PRKN: variants seen among roughly 807,000 people sequenced by gnomAD.
The protein encoded by PRKN is E3 ubiquitin-protein ligase parkin.
Under a neutral mutation model 59.5 loss-of-function variants are expected in PRKN, and 56 were observed. The observed-to-expected ratio is 0.94, with a 90% CI of 0.76 to 1.18. PRKN has a LOEUF of 1.18. Among genes scored for constraint, PRKN ranks in the 50% most tolerant of loss-of-function variants. The probability of loss-of-function intolerance (pLI) is 0.00; values close to 1 mark genes in which losing one functional copy is unlikely to be tolerated. For synonymous variants in PRKN, 250 were observed against 222.1 expected (o/e 1.13, Z -1.12); for missense variants, 657 against 596.4 (o/e 1.10, Z -1.06).
intron 6 of PRKN, among the ~76,000 whole-genome samples, chr6:161,893,887 G>A (rs1386116526): frequency 6.6e-6 from 1 of 152,096 alleles, no homozygotes; most frequent in African/African-American, 2.4e-5. Flanking sequence ...TCTCCTCGAC[G>A]GATCTGGGTA....
At chr6:161,949,691 A>G (rs1779914695) in intron 6 of PRKN, among the ~76,000 whole-genome samples, 1 of 152,056 alleles carries the variant, frequency 6.6e-6, no homozygotes, top group Non-Finnish European at 1.5e-5. Flanking sequence ...AAGACAGAGC[A>G]CTCTCTGTGA....
At chr6:162,249,072 GT>G (rs1779319679) in intron 3 of PRKN, among the ~76,000 whole-genome samples, 1 of 151,972 alleles carries the variant, frequency 6.6e-6, no homozygotes, top group African/African-American at 2.4e-5. Flanking sequence ...TAGAGACGAG[GT>G]TTCACCATGT....
Position 162,701,887 on chromosome 6 carries a change from C to CACA in PRKN, c.7+25774_7+25775insTGT, listed in dbSNP as rs1584078183. Among the ~76,000 whole-genome samples the CACA allele has an allele frequency of 1.0e-4, 10 of 99,134 alleles. 1 individual carries two copies. The highest frequency in any genetic ancestry group is 2.3e-4 in the African/African-American group (6 of 25,980). 65.0% of individuals were successfully genotyped at this position (99,134 alleles called of 152,430 possible). A position where few individuals can be genotyped will look rare whatever the true frequency, so the allele number is the denominator to read the frequency against. ...CATACACACACACACACACACACAC[C>CACA]CCCCCGACAAAATGAAACCAACAGA... On this transcript the variant is annotated intron_variant, in intron 1 of 11. Coordinates refer to ENST00000366898, the MANE Select transcript of PRKN (RefSeq NM_004562.3).
In PRKN at chr6:162,348,348, C is replaced by T. The variant is rs143370178; in HGVS notation, c.172-85583G>A. Among the ~76,000 whole-genome samples, 1,516 of 152,086 alleles carry T rather than the reference C, an allele frequency of 1.0e-2. 11 individuals carry two copies. The highest frequency in any genetic ancestry group is 0.02 in the Middle Eastern group (6 of 294). ...GTAACTTAACTCGGTCCCAGAACAA[C>T]GACCAAAAATATCTGTAGAAGAGAA... On this transcript the variant is annotated intron_variant, in intron 2 of 11. Coordinates refer to ENST00000366898, the MANE Select transcript of PRKN (RefSeq NM_004562.3).
intron 1 of PRKN, among the ~76,000 whole-genome samples, chr6:162,483,846 A>T (rs1265232199): frequency 6.6e-6 from 1 of 152,226 alleles, no homozygotes; most frequent in Non-Finnish European, 1.5e-5. Context: ...AAGATTGCTT[A>T]TAACAGCTAA....
intron 9 of PRKN, among the ~76,000 whole-genome samples, chr6:161,408,228 T>C (rs1459975867): frequency 2.0e-5 from 3 of 150,288 alleles, no homozygotes; most frequent in Non-Finnish European, 1.5e-5. Context: ...ACATAAGTCA[T>C]GGCACACCCT....
chr6:162,127,667 T>C (rs892039948), intron 4 of PRKN, among the ~76,000 whole-genome samples: 13 of 152,152 alleles, frequency 8.5e-5, no homozygotes, highest in Non-Finnish European at 1.3e-4. Flanking sequence ...TTCAAAACTT[T>C]TCCTAGAAAT....
rs560258946 is a variant in PRKN, at chr6:161,509,575, T to C, written c.1083+39279A>G. ...CCATCTAGTGCACCAGGAGCTTCCTTTGGGGGGAAAAAAAGAAAAAAAGGC... is the reference window on the plus strand; with the variant it reads ...CCATCTAGTGCACCAGGAGCTTCCTCTGGGGGGAAAAAAAGAAAAAAAGGC... On this transcript the variant is annotated intron_variant, in intron 9 of 11. Transcript: ENST00000366898. 5.9e-5 allele frequency among the ~76,000 whole-genome samples: 9 copies of C among 151,622 alleles called. No individual in the cohort carries two copies. The East Asian group carries it at 1.8e-3, about 30-fold the overall frequency.
rs138016569 is a variant in PRKN, at chr6:161,644,390, A to C, written c.872-74974T>G. On this transcript the variant is annotated intron_variant, in intron 7 of 11. Transcript: ENST00000366898. ...CTGTTATTGTATGTGAGAGAGTTGC[A>C]TATTAGTTAAGGATAGTCTTTGAAG... Among the ~76,000 whole-genome samples the C allele has an allele frequency of 7.6e-3, 1,151 of 152,340 alleles. 12 individuals carry two copies. The highest frequency in any genetic ancestry group is 0.026 in the African/African-American group (1,099 of 41,580).
intron 4 of PRKN, among the ~76,000 whole-genome samples, chr6:162,126,806 CTGTT>C (rs143861022): frequency 0.022 from 3,333 of 152,022 alleles, 70 homozygotes; most frequent in Non-Finnish European, 0.028. Flanking sequence ...ATTCATTTTC[CTGTT>C]TGTTTGTTTG....
chr6:162,301,182 T>C (rs1781932546), intron 2 of PRKN, among the ~76,000 whole-genome samples: 1 of 152,152 alleles, frequency 6.6e-6, no homozygotes, highest in Non-Finnish European at 1.5e-5. Flanking sequence ...GCACTATGAT[T>C]TCTCCTTTGT....
At chr6:161,598,518 T>A (rs1442656014) in intron 7 of PRKN, among the ~76,000 whole-genome samples, 1 of 152,218 alleles carries the variant, frequency 6.6e-6, no homozygotes, top group Non-Finnish European at 1.5e-5. Context: ...GAATTTTAAT[T>A]TGCCTTCTTA....
chr6:161,784,210 C>T (rs1370713537), intron 7 of PRKN, among the ~76,000 whole-genome samples: 1 of 152,066 alleles, frequency 6.6e-6, no homozygotes, highest in African/African-American at 2.4e-5. Context: ...AATATGGAAG[C>T]AAATCATCAT....
chr6:162,727,516 G>C (rs1276967984), intron 1 of PRKN, 146 bp downstream of exon 1: 1 of 892,920 alleles, frequency 1.1e-6, no homozygotes, highest in Non-Finnish European at 1.7e-6. Context: ...GGGGAGCCCG[G>C]CGGCGCGGGC....
At chr6:162,692,177 T>TA (rs11298895) in intron 1 of PRKN, among the ~76,000 whole-genome samples, 10 of 146,654 alleles carry the variant, frequency 6.8e-5, no homozygotes, top group Non-Finnish European at 1.0e-4. Context: ...ATTAGAAAAT[T>TA]AAAAAAAAAA....
At chr6:162,096,109 T>A (rs1289847779) in intron 4 of PRKN, among the ~76,000 whole-genome samples, 1 of 150,606 alleles carries the variant, frequency 6.6e-6, no homozygotes, top group Admixed American at 6.6e-5. Flanking sequence ...CTGCCAACTA[T>A]AACGACAGAG....
intron 2 of PRKN, among the ~76,000 whole-genome samples, chr6:162,389,817 T>G (rs1257608252): frequency 6.6e-6 from 1 of 152,198 alleles, no homozygotes; most frequent in African/African-American, 2.4e-5. Context: ...AGTAAAAAGC[T>G]AAACAAACTT....
intron 1 of PRKN, among the ~76,000 whole-genome samples, chr6:162,658,784 G>C (rs1301980620): frequency 6.6e-6 from 1 of 150,440 alleles, no homozygotes; most frequent in Non-Finnish European, 1.5e-5. Flanking sequence ...GCACTAACTA[G>C]GTACTTACAA....
At chr6:162,298,168 G>GA in intron 2 of PRKN, among the ~76,000 whole-genome samples, 1 of 149,502 alleles carries the variant, frequency 6.7e-6, no homozygotes, top group Admixed American at 6.6e-5. Context: ...TACAGACGGA[G>GA]GGGAGAGAGA....
Sources: gnomAD v4.1 joint callset for allele counts (sites outside exome capture counted in the v4.1 genomes callset) on GRCh38, gnomAD v4.1.1 for gene constraint, MANE v1.5 for transcripts, NCBI Gene and HGNC (gene_info 2026-07-23, HGNC 2026-07-21) for gene names.